The following DENND2B variants were observed in gnomAD, a reference collection of about 807,000 sequenced individuals.
DENND2B encodes DENN domain-containing protein 2B.
A neutral mutation model predicts 116.0 loss-of-function variants in DENND2B; 32 were observed. The ratio of observed to expected loss-of-function variants is 0.28; its 90% CI spans 0.21 to 0.37. The LOEUF (loss-of-function observed/expected upper bound fraction) is 0.37, where lower values mean the gene tolerates loss of function less well. DENND2B is among the 10% of genes least tolerant of loss of function. DENND2B has a pLI of 1.00. For synonymous variants in DENND2B, 588 were observed against 583.9 expected (o/e 1.01, Z -0.10); for missense variants, 1,276 against 1,477.7 (o/e 0.86, Z 2.24).
chr11:8,737,883 G>A (rs892768525), intron 2 of DENND2B, among the ~76,000 whole-genome samples: 1 of 151,446 alleles, frequency 6.6e-6, no homozygotes, highest in Non-Finnish European at 1.5e-5. Context: ...GAATAGCTGG[G>A]ACTACAGGTT....
rs763000510 is a variant in DENND2B at position 8,694,058 on chromosome 11, C to A, written c.*38G>T. ...CTGGGCCTTCTCCCCAGGCTTCAGG[C>A]TCTGCAAGGCACTGGACTCTGCTAC... On this transcript the variant is annotated 3_prime_UTR_variant, in exon 20 of 20. Coordinates refer to ENST00000313726, the MANE Select transcript of DENND2B (RefSeq NM_213618.2). 17 of 1,612,904 alleles carry A rather than the reference C, an allele frequency of 1.1e-5. No individual in the cohort carries two copies. The highest frequency in any genetic ancestry group is 6.7e-5 in the Admixed American group (4 of 59,910).
At chr11:8,834,101 T>C (rs575816506) in intron 4 of DENND2B, among the ~76,000 whole-genome samples, 2 of 152,324 alleles carry the variant, frequency 1.3e-5, no homozygotes, top group East Asian at 3.9e-4. Flanking sequence ...TGTACTTCTT[T>C]GGAACGGGAT....
chr11:8,825,026 T>C (rs1034759156), intron 4 of DENND2B, among the ~76,000 whole-genome samples: 2 of 152,110 alleles, frequency 1.3e-5, no homozygotes, highest in African/African-American at 4.8e-5. Context: ...TTATATTCCT[T>C]TGGGTATATA....
intron 3 of DENND2B, among the ~76,000 whole-genome samples, chr11:8,855,402 G>A (rs561685694): frequency 2.7e-4 from 40 of 150,502 alleles, no homozygotes; most frequent in African/African-American, 7.8e-4. Context: ...TCTAGATGAC[G>A]GGAAAATTTA....
At chr11:8,806,386 G>T (rs552342021) in intron 1 of DENND2B, among the ~76,000 whole-genome samples, 1 of 152,190 alleles carries the variant, frequency 6.6e-6, no homozygotes, top group African/African-American at 2.4e-5. Flanking sequence ...GGTTAAGAAG[G>T]CTTCATACGC....
chr11:8,897,213 C>A (rs374126424), intron 1 of DENND2B, among the ~76,000 whole-genome samples: 1 of 152,014 alleles, frequency 6.6e-6, no homozygotes, highest in Non-Finnish European at 1.5e-5. Flanking sequence ...GCAGAGATTG[C>A]GCCACTGCAC....
chr11:8,837,244 G>A (rs2062465325), intron 4 of DENND2B, among the ~76,000 whole-genome samples: 1 of 77,112 alleles, frequency 1.3e-5, no homozygotes, highest in South Asian at 7.1e-4. Context: ...AAGTGTATTT[G>A]GGGAGGAGGG....
Position 8,710,753 on chromosome 11 carries a change from GCACACACACACACACACACACACA to G in DENND2B, c.2352+68_2352+91del, listed in dbSNP as rs56230708. 32 of 831,574 alleles carry G rather than the reference GCACACACACACACACACACACACA, an allele frequency of 3.8e-5. 1 individual carries two copies. Among genetic ancestry groups the G allele is most frequent in the South Asian group, 2.5e-4 (17 of 68,404 alleles). The allele number at this position is 831,574 out of a possible 1,614,324, so 51.5% of individuals were successfully genotyped here. A position where few individuals can be genotyped will look rare whatever the true frequency, so the allele number is the denominator to read the frequency against. On this transcript the variant is annotated intron_variant, in intron 11 of 19. Transcript: ENST00000313726. ...TCATACAAGCTAAAATTGCAGAAGG[GCACACACACACACACACACACACA>G]CACACACACACACACACCCTGGCCT...
chr11:8,789,583 T>C (rs1165349212), intron 1 of DENND2B, among the ~76,000 whole-genome samples: 8 of 152,160 alleles, frequency 5.3e-5, no homozygotes, highest in Admixed American at 5.2e-4. Context: ...ATGCTTAACC[T>C]AAATCTAATC....
chr11:8,718,218 G>T, intron 4 of DENND2B: 4 of 862,226 alleles, frequency 4.6e-6, no homozygotes, highest in Non-Finnish European at 7.5e-6. Flanking sequence ...AGAGGACAAA[G>T]CCAGCAACAA....
chr11:8,800,902 G>C (rs2060254452), intron 1 of DENND2B, among the ~76,000 whole-genome samples: 1 of 152,054 alleles, frequency 6.6e-6, no homozygotes, highest in Non-Finnish European at 1.5e-5. Flanking sequence ...CCACTCCTCT[G>C]AAAGAGGAGT....
At chr11:8,723,634 G>C (rs2046576122) in intron 4 of DENND2B, among the ~76,000 whole-genome samples, 1 of 152,170 alleles carries the variant, frequency 6.6e-6, no homozygotes, top group Admixed American at 6.5e-5. Context: ...AGTAGAACTG[G>C]GGTATGGGCT....
intron 14 of DENND2B, among the ~76,000 whole-genome samples, chr11:8,700,322 A>G (rs2133703761): frequency 6.6e-6 from 1 of 152,342 alleles, no homozygotes; most frequent in South Asian, 2.1e-4. Flanking sequence ...TGATGGGCCC[A>G]CAGAACACCT....
chr11:8,761,109 A>G (rs931445815), intron 1 of DENND2B, among the ~76,000 whole-genome samples: 2 of 152,160 alleles, frequency 1.3e-5, no homozygotes, highest in Admixed American at 6.5e-5. Context: ...TCTCCACTTC[A>G]GTGCAGATCC....
intron 1 of DENND2B, among the ~76,000 whole-genome samples, chr11:8,774,841 T>C (rs762559759): frequency 5.5e-4 from 83 of 151,882 alleles, no homozygotes; most frequent in Non-Finnish European, 8.8e-4. Flanking sequence ...AGGAACCCTA[T>C]CTAGGTCTTC....
intron 1 of DENND2B, among the ~76,000 whole-genome samples, chr11:8,800,485 A>G (rs11042072): frequency 0.25 from 38,361 of 152,076 alleles, 5,015 homozygotes; most frequent in Middle Eastern, 0.35. Context: ...CTGCAGAAGT[A>G]AAAAAGCTGA....
intron 4 of DENND2B, among the ~76,000 whole-genome samples, chr11:8,821,716 C>G (rs1410271552): frequency 6.6e-6 from 1 of 152,122 alleles, no homozygotes; most frequent in Non-Finnish European, 1.5e-5. Context: ...TTATACCAAG[C>G]AATAATCATG....
intron 15 of DENND2B, 39 bp downstream of exon 15, chr11:8,699,174 C>A: frequency 6.5e-7 from 1 of 1,533,310 alleles, no homozygotes; most frequent in South Asian, 1.3e-5. Context: ...CTGCTTCCCC[C>A]TCCACCCTTC....
At position 8,721,889 on chromosome 11, in the gene DENND2B, T is replaced by C. The variant is rs986495960; in HGVS notation, c.1478-3997A>G. On this transcript the variant is annotated intron_variant, in intron 4 of 19. Transcript: ENST00000313726. ...ATCCCACTGAAGTTCCTGGAAACGC[T>C]CCCTCAGCCCAGGCTAGCTGATGGG... Among the ~76,000 whole-genome samples the C allele has an allele frequency of 2.1e-4, 32 of 152,198 alleles. 1 individual carries two copies. Among genetic ancestry groups the C allele is most frequent in the African/African-American group, 7.0e-4 (29 of 41,446 alleles).
Sources: gnomAD v4.1 joint callset for allele counts (sites outside exome capture counted in the v4.1 genomes callset) on GRCh38, gnomAD v4.1.1 for gene constraint, MANE v1.5 for transcripts, NCBI Gene and HGNC (gene_info 2026-07-23, HGNC 2026-07-21) for gene names.